CHODL: variants seen among roughly 807,000 people sequenced by gnomAD.
CHODL encodes the protein transmembrane protein MT75.
CHODL carries 29 observed loss-of-function variants against 34.5 expected under a neutral mutation model. That is an observed-to-expected ratio of 0.84 (90% CI 0.63 to 1.15). The LOEUF (loss-of-function observed/expected upper bound fraction) is 1.15, where lower values mean the gene tolerates loss of function less well. Among genes scored for constraint, CHODL ranks in the 50% most tolerant of loss-of-function variants. The pLI is 0.00. For missense variants in CHODL, 332 were observed against 332.5 expected, an observed-to-expected ratio of 1.00 and a Z score of 0.01; for synonymous variants, 125 against 116.1, an observed-to-expected ratio of 1.08 and a Z score of -0.49.
intron 2 of CHODL, among the ~76,000 whole-genome samples, chr21:18,187,233 G>A (rs989092615): frequency 5.3e-5 from 8 of 152,040 alleles, no homozygotes; most frequent in African/African-American, 1.9e-4. Context: ...TATACACCCA[G>A]TGTTCTAGCC....
chr21:18,015,176 T>G (rs1439260831), intron 1 of CHODL, among the ~76,000 whole-genome samples: 1 of 152,260 alleles, frequency 6.6e-6, no homozygotes, highest in East Asian at 1.9e-4. Flanking sequence ...TGATCTTTAG[T>G]GTTGGAGGAG....
upstream of CHODL, among the ~76,000 whole-genome samples, chr21:18,242,470 C>T (rs1361008215): frequency 6.6e-6 from 1 of 151,124 alleles, no homozygotes; most frequent in Non-Finnish European, 1.5e-5. Flanking sequence ...CATCAGGGCT[C>T]TCCAAAGAGC....
intron 1 of CHODL, among the ~76,000 whole-genome samples, chr21:18,023,763 A>G (rs915665520): frequency 9.9e-5 from 15 of 152,190 alleles, no homozygotes; most frequent in African/African-American, 3.1e-4. Context: ...TTGATCTACA[A>G]AATGTAAATA....
At chr21:17,943,272 G>A (rs1272390412) in intron 1 of CHODL, among the ~76,000 whole-genome samples, 1 of 152,152 alleles carries the variant, frequency 6.6e-6, no homozygotes, top group Non-Finnish European at 1.5e-5. Context: ...GTTTTCCTAG[G>A]GGGAAGAAAT....
chr21:18,139,279 T>G (rs773625315), intron 2 of CHODL, among the ~76,000 whole-genome samples: 1 of 151,902 alleles, frequency 6.6e-6, no homozygotes, highest in Non-Finnish European at 1.5e-5. Context: ...ATAAAGAGGT[T>G]CAGCAATGAA....
At chr21:18,022,474 A>C (rs1371311178) in intron 1 of CHODL, 2 of 152,224 alleles carry the variant, frequency 1.3e-5, no homozygotes, top group Non-Finnish European at 1.5e-5. Flanking sequence ...AAATAAGATA[A>C]CATTCACAGG....
chr21:17,995,308 C>A (rs904239196), intron 1 of CHODL, among the ~76,000 whole-genome samples: 8 of 152,154 alleles, frequency 5.3e-5, no homozygotes, highest in African/African-American at 1.9e-4. Flanking sequence ...TATGTGAGGG[C>A]CATGGGGCTC....
At chr21:17,947,262 C>T (rs423725) in intron 1 of CHODL, among the ~76,000 whole-genome samples, 64,176 of 151,792 alleles carry the variant, frequency 0.42, 13,933 homozygotes, top group East Asian at 0.64. Flanking sequence ...TAACAACCAA[C>T]AGGTCAATGA....
At chr21:18,194,491 A>G (rs986549706) in intron 2 of CHODL, among the ~76,000 whole-genome samples, 9 of 151,864 alleles carry the variant, frequency 5.9e-5, no homozygotes, top group Middle Eastern at 6.8e-3. Flanking sequence ...TCTCACGGCT[A>G]TTTATTTTAT....
intron 1 of CHODL, among the ~76,000 whole-genome samples, chr21:18,014,829 C>A (rs550693242): frequency 3.5e-4 from 53 of 152,200 alleles, no homozygotes; most frequent in Non-Finnish European, 6.3e-4. Flanking sequence ...GCCAATTAAA[C>A]CACTTTTCTT....
chr21:17,923,167 G>T (rs527894235), intron 1 of CHODL, among the ~76,000 whole-genome samples: 1 of 152,262 alleles, frequency 6.6e-6, no homozygotes, highest in Non-Finnish European at 1.5e-5. Flanking sequence ...GCCCTAAGTA[G>T]TCCCAGCTTG....
At chr21:18,116,448 CT>C (rs2065413957) in intron 2 of CHODL, among the ~76,000 whole-genome samples, 1 of 152,202 alleles carries the variant, frequency 6.6e-6, no homozygotes, top group South Asian at 2.1e-4. Context: ...GATCTGTTCA[CT>C]TATATTTGTC....
chr21:18,262,833 C>A lies in CHODL; in HGVS notation c.677C>A (p.Pro226His). The A allele has an allele frequency of 3.7e-6, 6 of 1,609,564 alleles. No individual in the cohort carries two copies. The highest frequency in any genetic ancestry group is 5.1e-6 in the Non-Finnish European group (6 of 1,176,504). The change falls in exon 5 of 6, where the codon CCC (proline) becomes CAC (histidine). Residue 226 changes from proline (P) to histidine (H), a missense_variant. Pro to His is a moderately conservative substitution (Grantham distance 77). Coordinates refer to ENST00000299295, the MANE Select transcript of CHODL (RefSeq NM_024944.3). ...NLIYVVIPTI[P>H]LLLLILVAFG... Reference sequence around the variant, plus strand: ...ATTTATGTTGTTATACCAACAATACCCCTGCTCTTACTGATACTGGTTGCT... The same window carrying A: ...ATTTATGTTGTTATACCAACAATACACCTGCTCTTACTGATACTGGTTGCT...
chr21:18,221,264 A>T (rs2073881073), intron 2 of CHODL, among the ~76,000 whole-genome samples: 1 of 151,950 alleles, frequency 6.6e-6, no homozygotes, highest in Non-Finnish European at 1.5e-5. Flanking sequence ...CTCTTTATTG[A>T]ATTTCTCATT....
intron 2 of CHODL, among the ~76,000 whole-genome samples, chr21:18,124,663 G>A (rs767894596): frequency 1.3e-5 from 2 of 150,502 alleles, no homozygotes; most frequent in Non-Finnish European, 3.0e-5. Context: ...TCTGGATCAT[G>A]TGAAACACAT....
chr21:17,970,811 A>G (rs2063608231), intron 1 of CHODL, among the ~76,000 whole-genome samples: 1 of 152,052 alleles, frequency 6.6e-6, no homozygotes, highest in Admixed American at 6.6e-5. Context: ...AGGTATACAC[A>G]TGCCATGGTG....
chr21:18,093,063 T>A (rs925004367), intron 2 of CHODL, among the ~76,000 whole-genome samples: 2 of 152,012 alleles, frequency 1.3e-5, no homozygotes, highest in Non-Finnish European at 2.9e-5. Context: ...AGGTCAAGTA[T>A]CAAAAAGGGA....
Position 18,245,200 on chromosome 21 carries a change from A to G in CHODL, c.-24A>G, listed in dbSNP as rs2074123523. 2 of 1,514,626 alleles carry G rather than the reference A, an allele frequency of 1.3e-6. No homozygotes were observed. Among genetic ancestry groups the G allele is most frequent in the Non-Finnish European group, 1.8e-6 (2 of 1,138,048 alleles). The allele number at this position is 1,514,626 out of a possible 1,614,324, so 93.8% of individuals were successfully genotyped here. Reference sequence around the variant, plus strand: ...AGAGGCCGCCCTCGCTCCACGCAACACCTGCTGCTGCCACCGCGCCGCGAT... The same window carrying G: ...AGAGGCCGCCCTCGCTCCACGCAACGCCTGCTGCTGCCACCGCGCCGCGAT... On this transcript the variant is annotated 5_prime_UTR_variant, in exon 1 of 6. Coordinates refer to ENST00000299295, the MANE Select transcript of CHODL (RefSeq NM_024944.3).
intron 2 of CHODL, among the ~76,000 whole-genome samples, chr21:18,137,316 C>T (rs759299388): frequency 6.6e-5 from 10 of 152,034 alleles, no homozygotes; most frequent in Non-Finnish European, 1.3e-4. Flanking sequence ...TTTTTATGAT[C>T]CTTCTTCAAA....
Sources: gnomAD v4.1 joint callset for allele counts (sites outside exome capture counted in the v4.1 genomes callset) on GRCh38, gnomAD v4.1.1 for gene constraint, MANE v1.5 for transcripts, NCBI Gene and HGNC (gene_info 2026-07-23, HGNC 2026-07-21) for gene names.